ACOT4: variants seen among roughly 807,000 people sequenced by gnomAD.
ACOT4 encodes peroxisomal succinyl-coenzyme A thioesterase.
A neutral mutation model predicts 17.1 loss-of-function variants in ACOT4; 18 were observed. The observed-to-expected ratio is 1.05, with a 90% CI of 0.73 to 1.56. ACOT4 has a LOEUF of 1.56. ACOT4 is among the 40% of genes most tolerant of loss of function. The pLI, the probability that ACOT4 is intolerant of heterozygous loss-of-function variation, is 0.00. For synonymous variants in ACOT4, 234 were observed against 236.6 expected, an observed-to-expected ratio of 0.99 and a Z score of 0.10; for missense variants, 574 against 557.2, an observed-to-expected ratio of 1.03 and a Z score of -0.30.
intron 1 of ACOT4, among the ~76,000 whole-genome samples, chr14:73,593,040 T>C (rs114413533): frequency 0.02 from 3,062 of 152,310 alleles, 110 homozygotes; most frequent in African/African-American, 0.07. Context: ...TACAGATTTC[T>C]ACAGGCATCA....
rs370354425 is a variant in ACOT4, at chr14:73,592,316, G to A, written c.357G>A (p.Leu119=). The change falls in exon 1 of 3, where the codon CTG becomes CTA. Residue 119 remains leucine (L), a synonymous_variant. Coordinates refer to ENST00000326303, the MANE Select transcript of ACOT4 (RefSeq NM_152331.4). ...GCCACGACCCCGAGCCTGGACGGCTGCTGTGCCAGGCGCAGCACGAGCGCC... is the reference window on the plus strand; with the variant it reads ...GCCACGACCCCGAGCCTGGACGGCTACTGTGCCAGGCGCAGCACGAGCGCC... The part of the protein sequence containing the change: ...LDGHDPEPGR[L]LCQAQHERHF... The A allele has an allele frequency of 3.7e-6, 6 of 1,609,828 alleles. No individual in the cohort carries two copies. The African/African-American group carries it at 4.0e-5, about 11-fold the overall frequency.
In ACOT4 at chr14:73,595,110, T is replaced by C. The variant is rs147096737; in HGVS notation, c.722T>C (p.Met241Thr). 20 of 1,614,090 alleles carry C rather than the reference T, an allele frequency of 1.2e-5. No homozygotes were observed. The highest frequency in any genetic ancestry group is 1.6e-5 in the Non-Finnish European group (19 of 1,180,030). The change falls in exon 3 of 3, where the codon ATG becomes ACG. Residue 241 changes from methionine (M) to threonine (T), a missense_variant. Physicochemically the swap from Met to Thr is moderately conservative, Grantham distance 81 (BLOSUM62 -1). Transcript: ENST00000326303. ...ISLGADICLS[M>T]ASFLKNVSAT... ...CTAGGAGCTGATATTTGTCTCTCAA[T>C]GGCCTCATTCTTGAAGAATGTCTCA...
In ACOT4 at chr14:73,592,233, C is replaced by A. The variant is rs367641655; in HGVS notation, c.274C>A (p.Arg92Ser). 104 of 1,612,924 alleles carry A rather than the reference C, an allele frequency of 6.4e-5. No individual in the cohort carries two copies. The highest frequency in any genetic ancestry group is 9.3e-5 in the African/African-American group (7 of 74,874). Residue 92 changes from arginine to serine, a missense_variant, in exon 1 of 3, where the codon CGC (arginine) becomes AGC (serine). Transcript: ENST00000326303. ...CCTGGAACCCGAGAAGCCTTTTTGGCGCTTCCTGAAGCGGGACGTACAGAT... is the reference window on the plus strand; with the variant it reads ...CCTGGAACCCGAGAAGCCTTTTTGGAGCTTCCTGAAGCGGGACGTACAGAT... ...WALEPEKPFW[R>S]FLKRDVQIPF...
chr14:73,594,204 C>T (rs1181619690), intron 2 of ACOT4, among the ~76,000 whole-genome samples: 6 of 152,158 alleles, frequency 3.9e-5, no homozygotes, highest in Admixed American at 3.9e-4. Context: ...TTCCTGGTGT[C>T]AGAGTATGTT....
Position 73,595,710 on chromosome 14 carries a change from AC to A in ACOT4, c.*59del, listed in dbSNP as rs1460801959. The A allele has an allele frequency of 2.7e-6, 4 of 1,488,570 alleles. No homozygotes were observed. Among genetic ancestry groups the A allele is most frequent in the Non-Finnish European group, 9.0e-7 (1 of 1,116,654 alleles). 92.2% of individuals were successfully genotyped at this position (1,488,570 alleles called of 1,614,324 possible). A position where few individuals can be genotyped will look rare whatever the true frequency, so the allele number is the denominator to read the frequency against. ...CAAGATCAGATTCTAGTGTTCAGTA[AC>A]CCTATGTGAATCAGATGTCTCCTGG... is the stretch of plus-strand genomic sequence containing the variant. On this transcript the variant is annotated 3_prime_UTR_variant, in exon 3 of 3. Coordinates refer to ENST00000326303, the MANE Select transcript of ACOT4 (RefSeq NM_152331.4).
At position 73,593,837 on chromosome 14, in the gene ACOT4, A is replaced by G. The variant is rs764892318; in HGVS notation, c.593A>G (p.Asn198Ser). Residue 198 changes from asparagine (N) to serine (S), a missense_variant, in exon 2 of 3, where the codon AAT (asparagine) becomes AGT (serine). By Grantham distance (46) the Asn-to-Ser change is conservative. Transcript: ENST00000326303. ...LAYYNFEDLPNNMDNISLEYF... is the reference protein window; with the variant it reads ...LAYYNFEDLPSNMDNISLEYF... ...TATTATAACTTTGAAGATCTCCCCA[A>G]TAACATGGACAACATATCCCTGGAG... 8.7e-6 allele frequency: 14 copies of G among 1,613,990 alleles called. No homozygotes were observed. In the South Asian group the frequency reaches 1.2e-4, roughly 14 times the overall value.
rs760212540 is a variant in ACOT4 at position 73,593,889 on chromosome 14, G to C, written c.645G>C (p.Met215Ile). The part of the protein sequence containing the change: ...LEYFEEAVCY[M>I]LQHPQVKGPG... ...ACTTCGAAGAAGCCGTATGCTACATGCTTCAACATCCCCAGGTTCTCCTCA... is the reference window on the plus strand; with the variant it reads ...ACTTCGAAGAAGCCGTATGCTACATCCTTCAACATCCCCAGGTTCTCCTCA... Residue 215 changes from methionine (M) to isoleucine (I), a missense_variant, in exon 2 of 3, where the codon ATG becomes ATC. Met to Ile is a conservative substitution (Grantham distance 10). Transcript: ENST00000326303. 4 of 1,612,174 alleles carry C rather than the reference G, an allele frequency of 2.5e-6. No homozygotes were observed. Among genetic ancestry groups the C allele is most frequent in the Non-Finnish European group, 3.4e-6 (4 of 1,178,844 alleles).
chr14:73,592,142 C>G lies in ACOT4; in HGVS notation c.183C>G (p.Asp61Glu), dbSNP rs751870049. The change falls in exon 1 of 3, where the codon GAC becomes GAG. Residue 61 changes from aspartate (D) to glutamate (E), a missense_variant. Transcript: ENST00000326303. ...RYCADARGEL[D>E]LERAPALGGS... Reference sequence around the variant, plus strand: ...GCGCCGACGCCCGCGGCGAGCTGGACCTGGAGCGCGCACCCGCGCTGGGCG... The same window carrying G: ...GCGCCGACGCCCGCGGCGAGCTGGAGCTGGAGCGCGCACCCGCGCTGGGCG... 1.3e-6 allele frequency: 2 copies of G among 1,590,866 alleles called. No homozygotes were observed. Among genetic ancestry groups the G allele is most frequent in the African/African-American group, 1.4e-5 (1 of 72,664 alleles).
At position 73,595,086 on chromosome 14, in the gene ACOT4, T is replaced by C; in HGVS notation, c.698T>C (p.Leu233Pro). 6.2e-7 allele frequency: 1 copy of C among 1,614,144 alleles called. No individual in the cohort carries two copies. The change falls in exon 3 of 3, where the codon CTA (leucine) becomes CCA (proline). Residue 233 changes from leucine to proline, a missense_variant. By Grantham distance (98) the Leu-to-Pro change is moderately conservative (BLOSUM62 -3). Coordinates refer to ENST00000326303, the MANE Select transcript of ACOT4 (RefSeq NM_152331.4). ...GPGIGLLGIS[L>P]GADICLSMAS... ...GGCATTGGGCTTTTGGGCATTTCTC[T>C]AGGAGCTGATATTTGTCTCTCAATG...
At chr14:73,594,973 G>C (rs1947861102) in intron 2 of ACOT4, 76 bp from the exon 3 acceptor site, 1 of 1,550,498 alleles carries the variant, frequency 6.4e-7, no homozygotes, top group Non-Finnish European at 8.8e-7. Context: ...GCAGAGTGTT[G>C]GGATTACAGG....
chr14:73,593,910 C>T lies in ACOT4; in HGVS notation c.660+6C>T. 6.2e-7 allele frequency: 1 copy of T among 1,603,200 alleles called. No homozygotes were observed. The highest frequency in any genetic ancestry group is 8.5e-7 in the Non-Finnish European group (1 of 1,172,862). On this transcript the variant is annotated splice_donor_region_variant and intron_variant, in intron 2 of 2. Coordinates refer to ENST00000326303, the MANE Select transcript of ACOT4 (RefSeq NM_152331.4). ...ACATGCTTCAACATCCCCAGGTTCTCCTCATGTCCTTTATTTAATCAGTCT... is the reference window on the plus strand; with the variant it reads ...ACATGCTTCAACATCCCCAGGTTCTTCTCATGTCCTTTATTTAATCAGTCT...
chr14:73,594,219 G>T (rs1022438543), intron 2 of ACOT4, among the ~76,000 whole-genome samples: 1 of 152,154 alleles, frequency 6.6e-6, no homozygotes, highest in African/African-American at 2.4e-5. Flanking sequence ...TATGTTCTCA[G>T]ATTTTGGTCA....
intron 2 of ACOT4, among the ~76,000 whole-genome samples, chr14:73,594,673 G>GTTATTTATTTATTTAT (rs5809619): frequency 2.0e-5 from 3 of 147,132 alleles, no homozygotes; most frequent in African/African-American, 5.0e-5. Context: ...CATTGGATAA[G>GTTATTTATTTATTTAT]TTATTTATTT....
chr14:73,595,244 T>A lies in ACOT4; in HGVS notation c.856T>A (p.Phe286Ile). Residue 286 changes from phenylalanine (F) to isoleucine (I), a missense_variant, in exon 3 of 3, where the codon TTC becomes ATC. Physicochemically the swap from Phe to Ile is conservative, Grantham distance 21 (BLOSUM62 0). Transcript: ENST00000326303. ...TGACCTGAGGAGAATCAAGGTAGCT[T>A]TCTCAGGCCTCGTGGACATTGTGGA... is the stretch of plus-strand genomic sequence containing the variant. ...GYDLRRIKVAFSGLVDIVDIR... is the reference protein window; with the variant it reads ...GYDLRRIKVAISGLVDIVDIR... 6.2e-7 allele frequency: 1 copy of A among 1,614,194 alleles called. No homozygotes were observed. Among genetic ancestry groups the A allele is most frequent in the South Asian group, 1.1e-5 (1 of 91,082 alleles).
At position 73,592,399 on chromosome 14, in the gene ACOT4, C is replaced by A; in HGVS notation, c.440C>A (p.Thr147Lys). ...QSVRAGRVRA[T>K]LFLPPGPGPF... is the part of the protein sequence containing the mutation. ...GTGCGAGCGGGCCGGGTGCGCGCCA[C>A]GCTCTTCCTGCCGCCAGGTGAGCCA... is the stretch of plus-strand genomic sequence containing the variant. Residue 147 changes from threonine (T) to lysine (K), a missense_variant, in exon 1 of 3, where the codon ACG becomes AAG. Thr to Lys is a moderately conservative substitution (Grantham distance 78). Transcript: ENST00000326303. 3 of 1,537,096 alleles carry A rather than the reference C, an allele frequency of 2.0e-6. 1 individual carries two copies. Among genetic ancestry groups the A allele is most frequent in the Middle Eastern group, 3.6e-4 (2 of 5,514 alleles).
rs1173729708 is a variant in ACOT4, at chr14:73,593,855, C to T, written c.611C>T (p.Ser204Phe). The change falls in exon 2 of 3, where the codon TCC becomes TTC. Residue 204 changes from serine (S) to phenylalanine (F), a missense_variant. Coordinates refer to ENST00000326303, the MANE Select transcript of ACOT4 (RefSeq NM_152331.4). ...EDLPNNMDNI[S>F]LEYFEEAVCY... ...CTCCCCAATAACATGGACAACATAT[C>T]CCTGGAGTACTTCGAAGAAGCCGTA... 5 of 1,613,728 alleles carry T rather than the reference C, an allele frequency of 3.1e-6. No individual in the cohort carries two copies. Among genetic ancestry groups the T allele is most frequent in the Non-Finnish European group, 4.2e-6 (5 of 1,179,882 alleles).
intron 2 of ACOT4, among the ~76,000 whole-genome samples, chr14:73,594,425 A>G (rs1226375013): frequency 1.0e-5 from 1 of 98,302 alleles, no homozygotes; most frequent in Non-Finnish European, 2.0e-5. Flanking sequence ...CCTGAACTTG[A>G]TGGGATCTGT....
chr14:73,593,712 C>G lies in ACOT4; in HGVS notation c.468C>G (p.Pro156=). The part of the protein sequence containing the change: ...ATLFLPPGPG[P]FPGIIDIFGI... ...TATTTTGTTCTCTAGGACCTGGACC[C>G]TTCCCAGGGATCATTGACATCTTTG... The change falls in exon 2 of 3, where the codon CCC becomes CCG. Residue 156 remains proline, a synonymous_variant. Transcript: ENST00000326303. The G allele has an allele frequency of 1.9e-6, 3 of 1,610,556 alleles. No homozygotes were observed. Among genetic ancestry groups the G allele is most frequent in the Non-Finnish European group, 2.5e-6 (3 of 1,178,000 alleles).
At position 73,592,177 on chromosome 14, in the gene ACOT4, C is replaced by T. The variant is rs1229116050; in HGVS notation, c.218C>T (p.Ala73Val). The change falls in exon 1 of 3, where the codon GCG becomes GTG. Residue 73 changes from alanine to valine, a missense_variant. Transcript: ENST00000326303. Reference sequence around the variant, plus strand: ...GCACCCGCGCTGGGCGGCAGCTTCGCGGGACTCGAGCCCATGGGGCTGCTC... The same window carrying T: ...GCACCCGCGCTGGGCGGCAGCTTCGTGGGACTCGAGCCCATGGGGCTGCTC... ...ERAPALGGSF[A>V]GLEPMGLLWA... 6.9e-6 allele frequency: 11 copies of T among 1,605,278 alleles called. No individual in the cohort carries two copies. Among genetic ancestry groups the T allele is most frequent in the Middle Eastern group, 3.3e-4 (2 of 6,056 alleles).
Sources: allele counts gnomAD v4.1 joint callset (sites outside exome capture counted in the v4.1 genomes callset), GRCh38; gene constraint gnomAD v4.1.1; transcripts MANE v1.5; gene names NCBI Gene and HGNC (gene_info 2026-07-23, HGNC 2026-07-21).